Variants in PCED1B observed in about 807,000 individuals in gnomAD.
The protein encoded by PCED1B is PC-esterase domain-containing protein 1B.
For synonymous variants in PCED1B, 251 were observed against 246.1 expected (o/e 1.02, Z -0.19); for missense variants, 573 against 573.9 (o/e 1.00, Z 0.02).
intron 3 of PCED1B, among the ~76,000 whole-genome samples, 158 bp from the exon 4 acceptor site, chr12:47,234,849 G>A (rs1943921159): frequency 6.6e-6 from 1 of 152,140 alleles, no homozygotes; most frequent in Non-Finnish European, 1.5e-5. Flanking sequence ...CCCAGGTCCG[G>A]GCTTGGTGGA....
At chr12:47,085,068 T>C (rs1937914189) in intron 1 of PCED1B, among the ~76,000 whole-genome samples, 1 of 152,174 alleles carries the variant, frequency 6.6e-6, no homozygotes, top group Admixed American at 6.5e-5. Context: ...CGCTTGAACC[T>C]GGGAGACAGA....
intron 2 of PCED1B, among the ~76,000 whole-genome samples, chr12:47,190,493 C>A (rs1042037065): frequency 6.6e-6 from 1 of 152,188 alleles, no homozygotes; most frequent in African/African-American, 2.4e-5. Context: ...TCCCTTTGTA[C>A]GAGAAACACA....
chr12:47,123,527 C>G (rs911352101), intron 2 of PCED1B, among the ~76,000 whole-genome samples: 1 of 151,892 alleles, frequency 6.6e-6, no homozygotes, highest in African/African-American at 2.4e-5. Context: ...ATAGAATCAA[C>G]AAAACAATGT....
intron 3 of PCED1B, among the ~76,000 whole-genome samples, chr12:47,229,879 C>G (rs994612432): frequency 1.3e-5 from 2 of 151,652 alleles, no homozygotes; most frequent in African/African-American, 4.8e-5. Context: ...CTGCCATTCT[C>G]CTGCCTCAGC....
intron 1 of PCED1B, among the ~76,000 whole-genome samples, chr12:47,092,756 T>C (rs1938321681): frequency 1.3e-5 from 2 of 152,108 alleles, no homozygotes; most frequent in Admixed American, 1.3e-4. Context: ...TTTTTCTGCA[T>C]TTGAGATGAT....
At chr12:47,099,299 A>G (rs1213420702) in intron 1 of PCED1B, among the ~76,000 whole-genome samples, 1 of 152,216 alleles carries the variant, frequency 6.6e-6, no homozygotes, top group Non-Finnish European at 1.5e-5. Context: ...AACACCGGCT[A>G]TTACCTCAGT....
chr12:47,215,251 C>T (rs2091360067), intron 2 of PCED1B, among the ~76,000 whole-genome samples: 1 of 148,786 alleles, frequency 6.7e-6, no homozygotes, highest in African/African-American at 2.4e-5. Flanking sequence ...ACCATCTCCC[C>T]CACCCTTTTT....
chr12:47,177,957 T>C (rs1363942201), intron 2 of PCED1B, among the ~76,000 whole-genome samples: 1 of 151,848 alleles, frequency 6.6e-6, no homozygotes, highest in Non-Finnish European at 1.5e-5. Context: ...AAAAAAAAAG[T>C]TTGAGATTCT....
intron 2 of PCED1B, among the ~76,000 whole-genome samples, chr12:47,108,028 A>T (rs1323997020): frequency 1.3e-5 from 2 of 152,124 alleles, no homozygotes; most frequent in African/African-American, 4.8e-5. Context: ...CAGTATGAGC[A>T]AGTAAAATGG....
intron 1 of PCED1B, among the ~76,000 whole-genome samples, chr12:47,089,279 A>G (rs1592127835): frequency 6.6e-6 from 1 of 151,576 alleles, no homozygotes; most frequent in East Asian, 2.0e-4. Context: ...ATCTCTACTA[A>G]AAATATGAAA....
chr12:47,139,249 T>C (rs969069297), intron 2 of PCED1B, among the ~76,000 whole-genome samples: 5 of 152,222 alleles, frequency 3.3e-5, no homozygotes, highest in African/African-American at 1.2e-4. Flanking sequence ...CTAAATTAGA[T>C]GATTTCTAAG....
At position 47,211,265 on chromosome 12, in the gene PCED1B, G is replaced by A. The variant is rs112626088; in HGVS notation, c.-525-4957G>A. On this transcript the variant is annotated intron_variant, in intron 2 of 3. Transcript: ENST00000546455. Reference sequence around the variant, plus strand: ...CAGGTGCTAAGCACTGTGCCTGACCGAAGGAGCACTCGATGGATGTTTATC... The same window carrying A: ...CAGGTGCTAAGCACTGTGCCTGACCAAAGGAGCACTCGATGGATGTTTATC... Among the ~76,000 whole-genome samples, 12 of 152,272 alleles carry A rather than the reference G, an allele frequency of 7.9e-5. 1 individual carries two copies. The highest frequency in any genetic ancestry group is 4.6e-4 in the Admixed American group (7 of 15,298).
chr12:47,124,834 C>A (rs2137323524), intron 2 of PCED1B, among the ~76,000 whole-genome samples: 1 of 151,964 alleles, frequency 6.6e-6, no homozygotes, highest in South Asian at 2.1e-4. Context: ...TGTGGCTGTC[C>A]AAATCTGTTT....
At chr12:47,110,329 C>T (rs1369352376) in intron 2 of PCED1B, among the ~76,000 whole-genome samples, 11 of 152,100 alleles carry the variant, frequency 7.2e-5, no homozygotes, top group Non-Finnish European at 1.5e-4. Context: ...GAGCTTTTGT[C>T]AACAAAGAGG....
intron 2 of PCED1B, among the ~76,000 whole-genome samples, chr12:47,132,171 G>C (rs1940161093): frequency 6.6e-6 from 1 of 152,096 alleles, no homozygotes; most frequent in South Asian, 2.1e-4. Flanking sequence ...TAAATTACCT[G>C]TCCCTTTTTG....
At chr12:47,215,957 G>A (rs1265534971) in intron 2 of PCED1B, among the ~76,000 whole-genome samples, 1 of 152,116 alleles carries the variant, frequency 6.6e-6, no homozygotes, top group Non-Finnish European at 1.5e-5. Context: ...GGAGCCTGAA[G>A]CAGGAGAATC....
intron 2 of PCED1B, among the ~76,000 whole-genome samples, chr12:47,164,949 G>A (rs1365901992): frequency 6.6e-6 from 1 of 152,206 alleles, no homozygotes; most frequent in African/African-American, 2.4e-5. Context: ...TGCCTATGGG[G>A]AATAGTTGGA....
At chr12:47,228,115 C>T (rs1251348262) in intron 3 of PCED1B, among the ~76,000 whole-genome samples, 1 of 151,292 alleles carries the variant, frequency 6.6e-6, no homozygotes, top group Admixed American at 6.6e-5. Flanking sequence ...CTCGCTGCAA[C>T]CTCCTCCTTT....
intron 2 of PCED1B, among the ~76,000 whole-genome samples, chr12:47,120,093 C>T (rs565557715): frequency 1.2e-4 from 18 of 152,190 alleles, no homozygotes; most frequent in African/African-American, 3.4e-4. Flanking sequence ...AGATGCTCAA[C>T]GTTATTAGTC....
Sources: allele counts gnomAD v4.1 joint callset (sites outside exome capture counted in the v4.1 genomes callset), GRCh38; gene constraint gnomAD v4.1.1; transcripts MANE v1.5; gene names NCBI Gene and HGNC (gene_info 2026-07-23, HGNC 2026-07-21).